ADAMTSL2: variants seen among roughly 807,000 people sequenced by gnomAD.
The protein encoded by ADAMTSL2 is ADAMTS-like protein 2.
Under a neutral mutation model 117.0 loss-of-function variants are expected in ADAMTSL2, and 55 were observed. That is an observed-to-expected ratio of 0.47 (90% confidence interval 0.38 to 0.59). ADAMTSL2 has a LOEUF of 0.59. Ranked by LOEUF, ADAMTSL2 falls within the 20% of genes least tolerant of loss-of-function variation. The probability of loss-of-function intolerance (pLI) is 0.00; values close to 1 mark genes in which losing one functional copy is unlikely to be tolerated. For synonymous variants in ADAMTSL2, 572 were observed against 566.4 expected (o/e 1.01, Z -0.14); for missense variants, 1,182 against 1,354.5 (o/e 0.87, Z 2.00).
intron 7 of ADAMTSL2, among the ~76,000 whole-genome samples, chr9:133,541,528 A>T (rs1830223847): frequency 6.6e-6 from 1 of 152,126 alleles, no homozygotes; most frequent in Non-Finnish European, 1.5e-5. Context: ...ACCTCGAGCG[A>T]TCCACCCGCC....
chr9:133,554,444 T>C lies in ADAMTSL2; in HGVS notation c.1027T>C (p.Tyr343His). 1 of 1,561,774 alleles carries C rather than the reference T, an allele frequency of 6.4e-7. No individual in the cohort carries two copies. Among genetic ancestry groups the C allele is most frequent in the Non-Finnish European group, 8.7e-7 (1 of 1,153,238 alleles). The change falls in exon 10 of 19, where the codon TAC (tyrosine) becomes CAC (histidine). Residue 343 changes from tyrosine to histidine, a missense_variant. By Grantham distance (83) the Tyr-to-His change is moderately conservative. Around this residue, in one of 3 missense-constraint regions of ADAMTSL2, gnomAD observed 345 missense variants for 325.8 expected, o/e 1.06. Coordinates refer to ENST00000651351, the MANE Select transcript of ADAMTSL2 (RefSeq NM_014694.4). The surrounding 1 kb of genome is among the most constrained non-coding windows in gnomAD (Gnocchi z 5.2). ...ACACGAGAGCCGCCCCCAGCCCATC[T>C]ACTATGGCTTCTCCGAGAGCGCTGA... ...PPHESRPQPI[Y>H]YGFSESAESQ...
Position 133,574,857 on chromosome 9 carries a change from A to C in ADAMTSL2, c.2849A>C (p.His950Pro). The C allele has an allele frequency of 6.5e-7, 1 of 1,534,268 alleles. No individual in the cohort carries two copies. The highest frequency in any genetic ancestry group is 8.9e-7 in the Non-Finnish European group (1 of 1,127,380). ...KACCRSCRPPHS is the reference protein window; with the variant it reads ...KACCRSCRPPPS Reference sequence around the variant, plus strand: ...TGCTGCCGCTCCTGCAGGCCCCCCCACTCCTAGGCCCGGCAGCTGCAGCCC... The same window carrying C: ...TGCTGCCGCTCCTGCAGGCCCCCCCCCTCCTAGGCCCGGCAGCTGCAGCCC... The change falls in exon 19 of 19, where the codon CAC (histidine) becomes CCC (proline). Residue 950 changes from histidine (H) to proline (P), a missense_variant. His to Pro is a moderately conservative substitution (Grantham distance 77). Transcript: ENST00000651351.
rs1831169801 is a variant in ADAMTSL2, at chr9:133,573,968, C to G, written c.2718C>G (p.Pro906=). The change falls in exon 18 of 19, where the codon CCC becomes CCG. Residue 906 remains proline (P), a synonymous_variant. Transcript: ENST00000651351. Reference sequence around the variant, plus strand: ...GCAGACAGGCCTGTGATCTGCAGCCCTGCCCCACGGAGCCCCCAGGTGAGG... The same window carrying G: ...GCAGACAGGCCTGTGATCTGCAGCCGTGCCCCACGGAGCCCCCAGGTGAGG... ...PVGRQACDLQ[P]CPTEPPDDSC... is the part of the protein sequence containing the mutation. 6.2e-7 allele frequency: 1 copy of G among 1,613,516 alleles called. No homozygotes were observed. The highest frequency in any genetic ancestry group is 1.3e-5 in the African/African-American group (1 of 74,944).
chr9:133,568,805 A>G (rs1588309679), intron 15 of ADAMTSL2, 47 bp downstream of exon 15: 2 of 1,611,714 alleles, frequency 1.2e-6, no homozygotes, highest in Non-Finnish European at 1.7e-6. Flanking sequence ...TGGTGAGGGG[A>G]CCCAGAGCTT....
rs1214095094 is a variant in ADAMTSL2 at position 133,554,436 on chromosome 9, A to G, written c.1019A>G (p.Gln340Arg). The stretch of plus-strand genomic sequence containing the variant: ...CAGCCGCCACACGAGAGCCGCCCCC[A>G]GCCCATCTACTATGGCTTCTCCGAG... ...LLQPPHESRP[Q>R]PIYYGFSESA... The change falls in exon 10 of 19, where the codon CAG (glutamine) becomes CGG (arginine). Residue 340 changes from glutamine to arginine, a missense_variant. Physicochemically the swap from Gln to Arg is conservative, Grantham distance 43. This residue lies in a region of ADAMTSL2 where 345 missense variants were observed against 325.8 expected (regional missense o/e 1.06). Coordinates refer to ENST00000651351, the MANE Select transcript of ADAMTSL2 (RefSeq NM_014694.4). The surrounding 1 kb of genome is among the most constrained non-coding windows in gnomAD (Gnocchi z 5.2). 5 of 1,563,932 alleles carry G rather than the reference A, an allele frequency of 3.2e-6. No homozygotes were observed. Among genetic ancestry groups the G allele is most frequent in the Admixed American group, 1.9e-5 (1 of 52,954 alleles).
chr9:133,554,826 G>A lies in ADAMTSL2; in HGVS notation c.1276+133G>A. On this transcript the variant is annotated intron_variant, in intron 10 of 18. Transcript: ENST00000651351. This position sits in a 1 kb window ranked among gnomAD's most constrained non-coding sequence, Gnocchi z 5.2. ...TAAGAGCTGCCAGCTACCTGCAGAT[G>A]TCCTCTGGGCAGGCACAGGGTTGAG... 1 of 784,752 alleles carries A rather than the reference G, an allele frequency of 1.3e-6. No individual in the cohort carries two copies. Among genetic ancestry groups the A allele is most frequent in the South Asian group, 1.9e-5 (1 of 53,308 alleles). The allele number at this position is 784,752 out of a possible 1,614,324, so 48.6% of individuals were successfully genotyped here.
chr9:133,573,943 G>A lies in ADAMTSL2; in HGVS notation c.2693G>A (p.Gly898Asp). The A allele has an allele frequency of 6.2e-7, 1 of 1,614,044 alleles. No individual in the cohort carries two copies. The highest frequency in any genetic ancestry group is 1.1e-5 in the South Asian group (1 of 91,074). Residue 898 changes from glycine to aspartate, a missense_variant, in exon 18 of 19, where the codon GGC becomes GAC. Gly to Asp is a moderately conservative substitution (Grantham distance 94, BLOSUM62 -1). Transcript: ENST00000651351. ...RGCDPLVKPV[G>D]RQACDLQPCP... Reference sequence around the variant, plus strand: ...TGCGATCCGTTGGTGAAGCCCGTTGGCAGACAGGCCTGTGATCTGCAGCCC... The same window carrying A: ...TGCGATCCGTTGGTGAAGCCCGTTGACAGACAGGCCTGTGATCTGCAGCCC...
In ADAMTSL2 at chr9:133,544,570, C is replaced by A. The variant is rs370667346; in HGVS notation, c.763+20C>A. 1.0e-4 allele frequency: 168 copies of A among 1,603,882 alleles called. No homozygotes were observed. Among genetic ancestry groups the A allele is most frequent in the Non-Finnish European group, 1.3e-4 (158 of 1,170,764 alleles). On this transcript the variant is annotated intron_variant, in intron 8 of 18. Coordinates refer to ENST00000651351, the MANE Select transcript of ADAMTSL2 (RefSeq NM_014694.4). ...TGCTAGGTGGGTACGCAGTGTCTGG[C>A]AGCTGCCTCACTGAGCTTTTGGTTG...
rs2131082735 is a variant in ADAMTSL2, at chr9:133,534,711, T to G, written c.-357T>G. 2 of 1,375,734 alleles carry G rather than the reference T, an allele frequency of 1.5e-6. No individual in the cohort carries two copies. Among genetic ancestry groups the G allele is most frequent in the East Asian group, 3.1e-5 (1 of 32,650 alleles). 85.2% of individuals were successfully genotyped at this position (1,375,734 alleles called of 1,614,324 possible). A position where few individuals can be genotyped will look rare whatever the true frequency, so the allele number is the denominator to read the frequency against. On this transcript the variant is annotated 5_prime_UTR_variant, in exon 1 of 19. Transcript: ENST00000651351. ...CGCCGGCGCAGAGCCGCCACTGGGC[T>G]GCGCCCCTCCCGGGAACCCCCTCTC...
At chr9:133,534,350 C>G (rs1204727765), upstream of ADAMTSL2, 2 of 182,808 alleles carry the variant, frequency 1.1e-5, no homozygotes, top group African/African-American at 4.7e-5. Context: ...CTCAGGAGCC[C>G]CAGGGACAGG....
intron 5 of ADAMTSL2, 146 bp downstream of exon 5, chr9:133,540,019 C>A: frequency 1.3e-6 from 1 of 767,540 alleles, no homozygotes; most frequent in Non-Finnish European, 2.2e-6. Flanking sequence ...ACCTGGGTCT[C>A]CTGAGCCCTG....
upstream of ADAMTSL2, chr9:133,534,610 C>G: frequency 7.9e-7 from 1 of 1,269,756 alleles, no homozygotes; most frequent in Non-Finnish European, 1.0e-6. Flanking sequence ...GCCAGGCCGG[C>G]CGGCGCGGGC....
intron 8 of ADAMTSL2, 76 bp downstream of exon 8, chr9:133,544,626 C>A: frequency 1.6e-6 from 2 of 1,283,498 alleles, no homozygotes; most frequent in Non-Finnish European, 2.3e-6. Flanking sequence ...AGAAGGGGCA[C>A]TTGACCCTGG....
chr9:133,532,955 T>C (rs946741125), upstream of ADAMTSL2, among the ~76,000 whole-genome samples: 1 of 152,138 alleles, frequency 6.6e-6, no homozygotes, highest in Non-Finnish European at 1.5e-5. Context: ...GGGGTGTTTG[T>C]GTTGGTCGGC....
At chr9:133,552,630 C>T (rs938918426) in intron 9 of ADAMTSL2, among the ~76,000 whole-genome samples, 66 of 152,334 alleles carry the variant, frequency 4.3e-4, no homozygotes, top group African/African-American at 1.6e-3. Flanking sequence ...CACCTAGGAT[C>T]AACCTGAGGC....
chr9:133,571,882 C>T (rs1386763655), intron 17 of ADAMTSL2, among the ~76,000 whole-genome samples: 2 of 152,162 alleles, frequency 1.3e-5, no homozygotes, highest in Non-Finnish European at 2.9e-5. Context: ...AATACCCAGG[C>T]GACAAAATGG....
intron 5 of ADAMTSL2, 78 bp downstream of exon 5, chr9:133,539,951 A>G (rs1830171319): frequency 3.7e-6 from 5 of 1,343,002 alleles, no homozygotes; most frequent in Non-Finnish European, 5.2e-6. Context: ...CCTGGGACCA[A>G]ACTCGACGGG....
intron 7 of ADAMTSL2, among the ~76,000 whole-genome samples, chr9:133,542,984 T>C (rs1176926633): frequency 1.3e-5 from 2 of 152,174 alleles, no homozygotes; most frequent in Admixed American, 6.5e-5. Flanking sequence ...GTTTTGTTCT[T>C]GTTGCCCAGG....
intron 9 of ADAMTSL2, among the ~76,000 whole-genome samples, chr9:133,551,385 C>T (rs547005539): frequency 6.6e-6 from 1 of 152,246 alleles, no homozygotes; most frequent in Admixed American, 6.5e-5. Context: ...CCCTTGCTGA[C>T]ACAGCTTTGT....
Sources: gnomAD v4.1 joint callset for allele counts (sites outside exome capture counted in the v4.1 genomes callset) on GRCh38, gnomAD v4.1.1 for gene constraint, gnomAD v4.1.1 regional missense constraint, Gnocchi (gnomAD v3.1) non-coding constraint, MANE v1.5 for transcripts, NCBI Gene and HGNC (gene_info 2026-07-23, HGNC 2026-07-21) for gene names.